IL17RE: variants seen among roughly 807,000 people sequenced by gnomAD.
IL17RE encodes interleukin 17 receptor E, also known as interleukin-17 receptor E.
In IL17RE, 47 loss-of-function variants were observed where a neutral mutation model predicts 70.7. The ratio of observed to expected loss-of-function variants is 0.67; its 90% CI spans 0.53 to 0.85. The LOEUF is 0.85. Ranked by LOEUF, IL17RE falls within the 40% of genes least tolerant of loss-of-function variation. The pLI is 0.00. For missense variants in IL17RE, 850 were observed against 893.9 expected (o/e 0.95, Z 0.63); for synonymous variants, 372 against 381.2 (o/e 0.98, Z 0.28).
chr3:9,905,094 CAAAAAA>C (rs71626946), intron 3 of IL17RE, among the ~76,000 whole-genome samples: 11 of 56,162 alleles, frequency 2.0e-4, no homozygotes, highest in Non-Finnish European at 3.1e-4. Flanking sequence ...GACCCTGTCT[CAAAAAA>C]AAAAAAAAAA....
At chr3:9,913,406 AAAATAAAT>A (rs58140458) in intron 12 of IL17RE, among the ~76,000 whole-genome samples, 35 of 151,350 alleles carry the variant, frequency 2.3e-4, no homozygotes, top group Middle Eastern at 3.4e-3. Context: ...TCTGTCTCAA[AAAATAAAT>A]AAATAAATAA....
intron 3 of IL17RE, 63 bp from the exon 4 acceptor site, chr3:9,906,301 C>A: frequency 1.2e-6 from 1 of 849,090 alleles, no homozygotes; most frequent in Non-Finnish European, 2.0e-6. Context: ...AACACTGGGC[C>A]ACATCTCCAG....
At chr3:9,913,788 G>T (rs1157167808) in intron 12 of IL17RE, among the ~76,000 whole-genome samples, 168 bp from the exon 13 acceptor site, 1 of 152,252 alleles carries the variant, frequency 6.6e-6, no homozygotes, top group Non-Finnish European at 1.5e-5. Context: ...GGAAAGATCA[G>T]TGGGAGCCGG....
chr3:9,914,790 G>A lies in IL17RE; in HGVS notation c.1447+13G>A. ...CGCCCACAGTCAGGTAAGCTCACCT[G>A]GGGTAACCTGGGAAGTCAGACCTGC... On this transcript the variant is annotated intron_variant, in intron 15 of 15. Coordinates refer to ENST00000383814, the MANE Select transcript of IL17RE (RefSeq NM_153480.2). The A allele has an allele frequency of 6.2e-7, 1 of 1,610,246 alleles. No individual in the cohort carries two copies.
intron 12 of IL17RE, among the ~76,000 whole-genome samples, chr3:9,913,406 A>AAAAT (rs58140458): frequency 0.053 from 8,009 of 151,274 alleles, 246 homozygotes; most frequent in African/African-American, 0.073. Flanking sequence ...TCTGTCTCAA[A>AAAAT]AAATAAATAA....
At chr3:9,913,893 C>A in intron 12 of IL17RE, 63 bp from the exon 13 acceptor site, 1 of 1,376,386 alleles carries the variant, frequency 7.3e-7, no homozygotes, top group Non-Finnish European at 1.0e-6. Flanking sequence ...GGCAAAGACT[C>A]AAGGCCAGAC....
intron 3 of IL17RE, among the ~76,000 whole-genome samples, chr3:9,905,468 G>A (rs566051610): frequency 6.6e-6 from 1 of 151,080 alleles, no homozygotes; most frequent in Non-Finnish European, 1.5e-5. Flanking sequence ...AAGGAAGGAA[G>A]GAAGGAAGGA....
Position 9,915,351 on chromosome 3 carries a change from G to C in IL17RE, c.1548G>C (p.Leu516=). ...TGGCTGAACTGCTACGGGCAGCGCT[G>C]GGCGGCGGGCGCGACGTGATCGTGG... ...GALAELLRAA[L]GGGRDVIVDL... is the part of the protein sequence containing the mutation. Residue 516 remains leucine (L), a synonymous_variant, in exon 16 of 16, where the codon CTG becomes CTC. Transcript: ENST00000383814. This position sits in a 1 kb window ranked among gnomAD's most constrained non-coding sequence, Gnocchi z 4.9. 1 of 1,370,546 alleles carries C rather than the reference G, an allele frequency of 7.3e-7. No homozygotes were observed. The highest frequency in any genetic ancestry group is 1.7e-5 in the South Asian group (1 of 57,394). 84.9% of individuals were successfully genotyped at this position (1,370,546 alleles called of 1,614,324 possible).
intron 12 of IL17RE, chr3:9,911,889 G>T (rs548955904): frequency 7.8e-6 from 2 of 255,984 alleles, no homozygotes; most frequent in South Asian, 1.4e-4. Context: ...GCAAGCTAAG[G>T]GAGTATTTTC....
At position 9,915,133 on chromosome 3, in the gene IL17RE, A is replaced by T. The variant is rs1252967332; in HGVS notation, c.1448-118A>T. ...TTCGGTACCAACCCCCAGAGCAAAT[A>T]AGGGGCGGGGGCGGGGGCGGAGAGG... is the stretch of plus-strand genomic sequence containing the variant. On this transcript the variant is annotated intron_variant, in intron 15 of 15. Transcript: ENST00000383814. This position sits in a 1 kb window ranked among gnomAD's most constrained non-coding sequence, Gnocchi z 4.9. 2 of 1,231,288 alleles carry T rather than the reference A, an allele frequency of 1.6e-6. No individual in the cohort carries two copies. The allele number at this position is 1,231,288 out of a possible 1,614,324, so 76.3% of individuals were successfully genotyped here. A position where few individuals can be genotyped will look rare whatever the true frequency, so the allele number is the denominator to read the frequency against.
rs889039971 is a variant in IL17RE, at chr3:9,911,391, T to G, written c.1073-52T>G. The G allele has an allele frequency of 1.9e-6, 3 of 1,612,754 alleles. No individual in the cohort carries two copies. In the African/African-American group the frequency reaches 4.0e-5, roughly 22 times the overall value. ...AGCTAAACCCCAGCCCAGCCCTGAA[T>G]TCATCACCCAAAGCCCAACTCCTAT... On this transcript the variant is annotated intron_variant, in intron 11 of 15. Coordinates refer to ENST00000383814, the MANE Select transcript of IL17RE (RefSeq NM_153480.2).
At chr3:9,902,493 A>C, upstream of IL17RE, 1 of 850,630 alleles carries the variant, frequency 1.2e-6, no homozygotes, top group Non-Finnish European at 1.9e-6. Flanking sequence ...GTAGTGCTTA[A>C]GAGCTCGGCT....
chr3:9,910,719 A>G, intron 8 of IL17RE, 146 bp from the exon 9 acceptor site: 1 of 645,852 alleles, frequency 1.5e-6, no homozygotes, highest in Non-Finnish European at 2.7e-6. Flanking sequence ...AATGAAAGGG[A>G]TGCTCATTGA....
rs768241737 is a variant in IL17RE at position 9,915,554 on chromosome 3, C to T, written c.1751C>T (p.Ala584Val). 2 of 1,405,944 alleles carry T rather than the reference C, an allele frequency of 1.4e-6. No individual in the cohort carries two copies. The highest frequency in any genetic ancestry group is 2.9e-5 in the Admixed American group (1 of 34,104). The allele number at this position is 1,405,944 out of a possible 1,614,324, so 87.1% of individuals were successfully genotyped here. ...CCCCTGCTCGCCCTGCTCCACGCTG[C>T]CCCGCGCCCGCTGCTGCTGCTCGCT... ...AAPLLALLHA[A>V]PRPLLLLAYF... The change falls in exon 16 of 16, where the codon GCC becomes GTC. Residue 584 changes from alanine (A) to valine (V), a missense_variant. Physicochemically the swap from Ala to Val is moderately conservative, Grantham distance 64. Coordinates refer to ENST00000383814, the MANE Select transcript of IL17RE (RefSeq NM_153480.2). This position sits in a 1 kb window ranked among gnomAD's most constrained non-coding sequence, Gnocchi z 4.9.
intron 8 of IL17RE, 130 bp downstream of exon 8, chr3:9,909,413 G>C: frequency 1.2e-6 from 1 of 828,614 alleles, no homozygotes; most frequent in Admixed American, 2.2e-5. Context: ...GTCCCCAGAA[G>C]GCATGCAGGT....
chr3:9,906,530 G>A, intron 4 of IL17RE, 69 bp downstream of exon 4: 2 of 1,404,186 alleles, frequency 1.4e-6, no homozygotes, highest in Admixed American at 1.7e-5. Flanking sequence ...CTCTCATTTG[G>A]TTCTCCAGCC....
rs2082989047 is a variant in IL17RE, at chr3:9,915,143, G to A, written c.1448-108G>A. 7.5e-7 allele frequency: 1 copy of A among 1,325,618 alleles called. No individual in the cohort carries two copies. Among genetic ancestry groups the A allele is most frequent in the Non-Finnish European group, 9.7e-7 (1 of 1,034,814 alleles). The allele number at this position is 1,325,618 out of a possible 1,614,324, so 82.1% of individuals were successfully genotyped here. A position where few individuals can be genotyped will look rare whatever the true frequency, so the allele number is the denominator to read the frequency against. Reference sequence around the variant, plus strand: ...ACCCCCAGAGCAAATAAGGGGCGGGGGCGGGGGCGGAGAGGCGAGCACCCT... The same window carrying A: ...ACCCCCAGAGCAAATAAGGGGCGGGAGCGGGGGCGGAGAGGCGAGCACCCT... On this transcript the variant is annotated intron_variant, in intron 15 of 15. Coordinates refer to ENST00000383814, the MANE Select transcript of IL17RE (RefSeq NM_153480.2). This position sits in a 1 kb window ranked among gnomAD's most constrained non-coding sequence, Gnocchi z 4.9.
At position 9,913,958 on chromosome 3, in the gene IL17RE, C is replaced by G. The variant is rs1383630321; in HGVS notation, c.1230C>G (p.Ala410=). 1.2e-6 allele frequency: 2 copies of G among 1,613,820 alleles called. No individual in the cohort carries two copies. Among genetic ancestry groups the G allele is most frequent in the Non-Finnish European group, 1.7e-6 (2 of 1,179,722 alleles). ...LVPPVYTVSQ[A]RGSSPVSLDL... ...CTTTCTGCTCTTTGTTTCTACAGGC[C>G]CGGGGCTCAAGCCCAGTGTCACTAG... Residue 410 remains alanine, a splice_region_variant and synonymous_variant, in exon 13 of 16, where the codon GCC becomes GCG. Coordinates refer to ENST00000383814, the MANE Select transcript of IL17RE (RefSeq NM_153480.2).
At chr3:9,913,344 C>A (rs2082936951) in intron 12 of IL17RE, among the ~76,000 whole-genome samples, 1 of 151,992 alleles carries the variant, frequency 6.6e-6, no homozygotes, top group Non-Finnish European at 1.5e-5. Context: ...GTGGAGGTTG[C>A]AGTGAGCCAA....
Sources: gnomAD v4.1 joint callset for allele counts (sites outside exome capture counted in the v4.1 genomes callset) on GRCh38, gnomAD v4.1.1 for gene constraint, Gnocchi (gnomAD v3.1) non-coding constraint, MANE v1.5 for transcripts, NCBI Gene and HGNC (gene_info 2026-07-23, HGNC 2026-07-21) for gene names.